Variants in CPED1 observed in about 807,000 individuals in gnomAD.
CPED1 encodes cadherin like and PC-esterase domain containing 1.
In CPED1, 114 loss-of-function variants were observed where a neutral mutation model predicts 128.2. That is an observed-to-expected ratio of 0.89 (90% CI 0.76 to 1.04). The LOEUF (loss-of-function observed/expected upper bound fraction) is 1.04, where lower values mean the gene tolerates loss of function less well. CPED1 is among the 50% of genes least tolerant of loss of function. The pLI is 0.00. For missense variants in CPED1, 1,211 were observed against 1,207.1 expected (o/e 1.00, Z -0.05); for synonymous variants, 462 against 426.7 (o/e 1.08, Z -1.02).
At chr7:121,229,978 A>T (rs1462942779) in intron 16 of CPED1, among the ~76,000 whole-genome samples, 1 of 152,010 alleles carries the variant, frequency 6.6e-6, no homozygotes, top group Admixed American at 6.6e-5. Flanking sequence ...AAAGAGGAGG[A>T]CCACAGCCAA....
At chr7:121,199,645 C>G (rs1457916437) in intron 16 of CPED1, among the ~76,000 whole-genome samples, 1 of 133,824 alleles carries the variant, frequency 7.5e-6, no homozygotes, top group Admixed American at 8.3e-5. Context: ...CCACTGCACT[C>G]CAGCCTGGCA....
chr7:121,044,648 C>CTTTTTTTTTTTTTTTTTTTTTT lies in CPED1; in HGVS notation c.434-2238_434-2237insTTTTTTTTTTTTTTTTTTTTTT, dbSNP rs35159862. Among the ~76,000 whole-genome samples, 414 of 69,472 alleles carry CTTTTTTTTTTTTTTTTTTTTTT rather than the reference C, an allele frequency of 6.0e-3. 163 individuals are homozygous for CTTTTTTTTTTTTTTTTTTTTTT. The highest frequency in any genetic ancestry group is 0.015 in the East Asian group (30 of 2,062). The allele number at this position is 69,472 out of a possible 152,430, so 45.6% of individuals were successfully genotyped here. A position where few individuals can be genotyped will look rare whatever the true frequency, so the allele number is the denominator to read the frequency against. On this transcript the variant is annotated intron_variant, in intron 3 of 22. Transcript: ENST00000310396. ...GATTGCTGAGAGCAGTGACTTTCTG[C>CTTTTTTTTTTTTTTTTTTTTTT]TCTTTTTTTTTTTTTTTTTTTGCTA... is the stretch of plus-strand genomic sequence containing the variant.
At chr7:121,059,378 G>A (rs1013537086) in intron 4 of CPED1, among the ~76,000 whole-genome samples, 1 of 152,146 alleles carries the variant, frequency 6.6e-6, no homozygotes, top group Non-Finnish European at 1.5e-5. Context: ...CTAATTCCTC[G>A]TCATTAATTC....
At chr7:121,255,000 A>G (rs534835712) in intron 18 of CPED1, among the ~76,000 whole-genome samples, 1 of 151,946 alleles carries the variant, frequency 6.6e-6, no homozygotes, top group Non-Finnish European at 1.5e-5. Context: ...ATTGGTACCA[A>G]TGCTACTGAA....
intron 4 of CPED1, among the ~76,000 whole-genome samples, chr7:121,048,213 G>T (rs549052702): frequency 6.6e-6 from 1 of 152,292 alleles, no homozygotes; most frequent in African/African-American, 2.4e-5. Context: ...CTTCAGGCTT[G>T]AATATGCAAC....
chr7:121,206,313 G>T (rs1048072748), intron 16 of CPED1, among the ~76,000 whole-genome samples: 1 of 151,952 alleles, frequency 6.6e-6, no homozygotes. Context: ...GGGCAGCCAG[G>T]CATTGTGAAT....
intron 2 of CPED1, among the ~76,000 whole-genome samples, chr7:120,998,076 C>A (rs922521628): frequency 6.6e-6 from 1 of 152,094 alleles, no homozygotes; most frequent in Admixed American, 6.5e-5. Flanking sequence ...CAGCTGCACA[C>A]TGAAGGACAC....
chr7:121,003,456 A>G (rs1391761903), intron 2 of CPED1, among the ~76,000 whole-genome samples: 1 of 152,246 alleles, frequency 6.6e-6, no homozygotes, highest in Non-Finnish European at 1.5e-5. Flanking sequence ...TATCAGTATT[A>G]GATCATGTAT....
chr7:121,261,205 T>G lies in CPED1; in HGVS notation c.2311-5022T>G, dbSNP rs1389367409. 7.9e-5 allele frequency among the ~76,000 whole-genome samples: 12 copies of G among 152,240 alleles called. No individual in the cohort carries two copies. The East Asian group carries it at 2.1e-3, about 27-fold the overall frequency. On this transcript the variant is annotated intron_variant, in intron 18 of 22. Coordinates refer to ENST00000310396, the MANE Select transcript of CPED1 (RefSeq NM_024913.5). ...GATAAAAATCATTTCATTGTACATT[T>G]AAATTAAAAGTTCCCAAAGTCTTGC...
chr7:121,135,840 A>G (rs535771554), intron 13 of CPED1, among the ~76,000 whole-genome samples, 200 bp from the exon 14 acceptor site: 2 of 151,968 alleles, frequency 1.3e-5, no homozygotes, highest in Non-Finnish European at 2.9e-5. Context: ...ATATTTTTCT[A>G]TTTGAAATAA....
intron 16 of CPED1, among the ~76,000 whole-genome samples, chr7:121,172,395 T>A (rs1049974190): frequency 6.6e-6 from 1 of 151,088 alleles, no homozygotes; most frequent in Non-Finnish European, 1.5e-5. Flanking sequence ...TTTTTTTTTT[T>A]ATTTTGATGT....
chr7:121,128,044 A>G (rs1220813609), intron 10 of CPED1, among the ~76,000 whole-genome samples: 2 of 152,076 alleles, frequency 1.3e-5, no homozygotes, highest in Non-Finnish European at 1.5e-5. Flanking sequence ...TTTTTTAAGC[A>G]TTCACATCTA....
intron 2 of CPED1, among the ~76,000 whole-genome samples, chr7:120,994,582 T>A (rs41691): frequency 6.6e-6 from 1 of 151,582 alleles, no homozygotes; most frequent in Non-Finnish European, 1.5e-5. Flanking sequence ...ATGAAATAGC[T>A]GGATAGCCTG....
At chr7:121,130,889 T>TA (rs1795650541) in intron 12 of CPED1, among the ~76,000 whole-genome samples, 2 of 152,060 alleles carry the variant, frequency 1.3e-5, no homozygotes, top group East Asian at 1.9e-4. Flanking sequence ...TGAGAGGTAG[T>TA]AATTAGGGAA....
In CPED1 at chr7:121,141,152, A is replaced by AT. The variant is rs547593347; in HGVS notation, c.1886+147dup. 1.9e-4 allele frequency: 109 copies of AT among 573,648 alleles called. 1 individual carries two copies. The highest frequency in any genetic ancestry group is 5.7e-4 in the South Asian group (14 of 24,776). The allele number at this position is 573,648 out of a possible 1,614,324, so 35.5% of individuals were successfully genotyped here. ...CCAGGATGTGAACTTTCCCCTTCTC[A>AT]TTTTTTTTAAAAAAGATTTGTAACC... On this transcript the variant is annotated intron_variant, in intron 15 of 22. Transcript: ENST00000310396.
chr7:121,047,935 T>C (rs1285151727), intron 4 of CPED1, among the ~76,000 whole-genome samples: 2 of 152,034 alleles, frequency 1.3e-5, no homozygotes, highest in Non-Finnish European at 2.9e-5. Context: ...CTCGATTTCC[T>C]GACTTCGCGA....
chr7:121,111,777 C>T (rs910613848), intron 7 of CPED1, among the ~76,000 whole-genome samples: 1 of 152,062 alleles, frequency 6.6e-6, no homozygotes, highest in Non-Finnish European at 1.5e-5. Context: ...GAAGGAGATG[C>T]GGGCTCCATT....
At chr7:121,024,769 G>T (rs1792532386) in intron 3 of CPED1, among the ~76,000 whole-genome samples, 2 of 152,090 alleles carry the variant, frequency 1.3e-5, no homozygotes, top group East Asian at 1.9e-4. Flanking sequence ...GCTTTGAATG[G>T]CAGATTTAAT....
intron 7 of CPED1, among the ~76,000 whole-genome samples, chr7:121,122,925 C>T (rs567990569): frequency 2.0e-5 from 3 of 152,124 alleles, no homozygotes; most frequent in African/African-American, 4.8e-5. Context: ...TATTATTAAC[C>T]TTAACCTCTG....
Sources: gnomAD v4.1 joint callset for allele counts (sites outside exome capture counted in the v4.1 genomes callset) on GRCh38, gnomAD v4.1.1 for gene constraint, MANE v1.5 for transcripts, NCBI Gene and HGNC (gene_info 2026-07-23, HGNC 2026-07-21) for gene names.